The following SHOX variants were observed in gnomAD, a reference collection of about 807,000 sequenced individuals.
The protein encoded by SHOX is short stature homeobox protein.
Under a neutral mutation model 29.6 loss-of-function variants are expected in SHOX, and 12 were observed. The observed-to-expected ratio is 0.41, with a 90% CI of 0.26 to 0.66. The LOEUF (loss-of-function observed/expected upper bound fraction) is 0.66. SHOX is among the 30% of genes least tolerant of loss of function. The probability of loss-of-function intolerance (pLI) is 0.35; values close to 1 mark genes in which losing one functional copy is unlikely to be tolerated. For synonymous variants in SHOX, 214 were observed against 200.6 expected (o/e 1.07, Z -0.57); for missense variants, 499 against 437.7 (o/e 1.14, Z -1.25).
chrX:633,367 C>G (rs2052681853), intron 1 of SHOX, among the ~76,000 whole-genome samples: 1 of 151,884 alleles, frequency 6.6e-6, no homozygotes, highest in Middle Eastern at 3.4e-3. Flanking sequence ...CTCCAGGAAA[C>G]GATTCACTTG....
rs1191783563 is a variant in SHOX, at chrX:645,808, A to G, written c.*1172A>G. 1 of 152,260 alleles carries G rather than the reference A, an allele frequency of 6.6e-6. No individual in the cohort carries two copies. Among genetic ancestry groups the G allele is most frequent in the East Asian group, 1.9e-4 (1 of 5,186 alleles). 9.4% of individuals were successfully genotyped at this position (152,260 alleles called of 1,614,324 possible). A position where few individuals can be genotyped will look rare whatever the true frequency, so the allele number is the denominator to read the frequency against. On this transcript the variant is annotated 3_prime_UTR_variant, in exon 5 of 5. Transcript: ENST00000686671. ...AAGCGTAAAAGCCAGGGAGAGATCC[A>G]GAGAGTTTTCAAGTTTTTGCAGATG...
chrX:636,196 A>C (rs2052744058), intron 2 of SHOX, among the ~76,000 whole-genome samples: 1 of 147,174 alleles, frequency 6.8e-6, no homozygotes, highest in Admixed American at 6.9e-5. Flanking sequence ...TATAATCTAT[A>C]TACATATATA....
intron 2 of SHOX, 68 bp from the exon 3 acceptor site, chrX:640,753 G>A: frequency 6.4e-7 from 1 of 1,572,694 alleles, no homozygotes; most frequent in Admixed American, 1.7e-5. Flanking sequence ...CTCATGGGAA[G>A]GATGCTCCCT....
intron 2 of SHOX, among the ~76,000 whole-genome samples, chrX:638,761 A>G (rs1296799841): frequency 6.6e-6 from 1 of 152,180 alleles, no homozygotes; most frequent in Non-Finnish European, 1.5e-5. Flanking sequence ...GCCCTGGGCC[A>G]TGCACAGTGT....
rs1043808597 is a variant in SHOX at position 649,654 on chromosome X, C to G, written c.*5018C>G. ...CCCAGAGAGCAACGTGGGCTGTGTT[C>G]CGATGTAACGCCGTTGCAGAGAGAG... is the stretch of plus-strand genomic sequence containing the variant. On this transcript the variant is annotated 3_prime_UTR_variant, in exon 5 of 5. Coordinates refer to ENST00000686671, the MANE Select transcript of SHOX (RefSeq NM_000451.4). 2.0e-5 allele frequency among the ~76,000 whole-genome samples: 3 copies of G among 152,114 alleles called. No homozygotes were observed. Among genetic ancestry groups the G allele is most frequent in the African/African-American group, 7.2e-5 (3 of 41,426 alleles).
At chrX:640,923 C>G (rs374013002) in intron 3 of SHOX, 45 bp downstream of exon 3, 1 of 1,613,032 alleles carries the variant, frequency 6.2e-7, no homozygotes, top group Non-Finnish European at 8.5e-7. Context: ...GGATCCTGCT[C>G]CAGGAGGGAT....
chrX:625,598 C>T (rs1221383564), intron 1 of SHOX, among the ~76,000 whole-genome samples: 1 of 149,888 alleles, frequency 6.7e-6, no homozygotes, highest in Non-Finnish European at 1.5e-5. Flanking sequence ...CTTTCTCTCT[C>T]TCCTCTCTCT....
At chrX:629,292 CCT>C (rs2052603808), upstream of SHOX, among the ~76,000 whole-genome samples, 1 of 139,760 alleles carries the variant, frequency 7.2e-6, no homozygotes. Flanking sequence ...TCCGTCTCTC[CCT>C]GTCTGTCTCT....
intron 4 of SHOX, among the ~76,000 whole-genome samples, chrX:644,063 T>G (rs982641291): frequency 2.0e-5 from 3 of 151,990 alleles, no homozygotes; most frequent in Non-Finnish European, 4.4e-5. Context: ...GAGAGAACGT[T>G]GTGAGCCAAA....
In SHOX at chrX:650,131, T is replaced by C. The variant is rs1425725962; in HGVS notation, c.*5495T>C. ...GGCAGTGGTGACAGGGCCCCTTGGC[T>C]GTGGCTGTCTTCTCCAGCGCCGTGG... On this transcript the variant is annotated 3_prime_UTR_variant, in exon 5 of 5. Coordinates refer to ENST00000686671, the MANE Select transcript of SHOX (RefSeq NM_000451.4). 2.4e-6 allele frequency: 1 copy of C among 421,846 alleles called. No individual in the cohort carries two copies. Among genetic ancestry groups the C allele is most frequent in the Non-Finnish European group, 4.7e-6 (1 of 212,530 alleles). The allele number at this position is 421,846 out of a possible 1,614,324, so 26.1% of individuals were successfully genotyped here.
chrX:630,630 G>T (rs1310318706), upstream of SHOX: 2 of 590,856 alleles, frequency 3.4e-6, no homozygotes, highest in Non-Finnish European at 6.0e-6. Context: ...GTGATGAAAT[G>T]AGAAGAAAGC....
intron 1 of SHOX, among the ~76,000 whole-genome samples, chrX:633,502 T>A (rs182790083): frequency 2.3e-3 from 343 of 152,064 alleles, no homozygotes; most frequent in Non-Finnish European, 3.4e-3. Context: ...AGGGCCCTGG[T>A]GTGGATCGTG....
At chrX:627,719 C>T (rs28485701), upstream of SHOX, among the ~76,000 whole-genome samples, 1 of 151,902 alleles carries the variant, frequency 6.6e-6, no homozygotes, top group African/African-American at 2.4e-5. Flanking sequence ...GAGGCTCGGA[C>T]ACCCTGGTAG....
chrX:656,117 CT>C (rs2053142586), downstream of SHOX, among the ~76,000 whole-genome samples: 2 of 145,680 alleles, frequency 1.4e-5, no homozygotes, highest in Non-Finnish European at 3.0e-5. Flanking sequence ...CAAGACCAGC[CT>C]CGGCAACAAA....
upstream of SHOX, among the ~76,000 whole-genome samples, chrX:627,531 G>C (rs2124141889): frequency 6.6e-6 from 1 of 152,316 alleles, no homozygotes; most frequent in South Asian, 2.1e-4. Context: ...GAAAAGCGGG[G>C]TGTTGGAAAG....
chrX:645,445 G>A lies in SHOX; in HGVS notation c.*809G>A, dbSNP rs1027666270. Reference sequence around the variant, plus strand: ...TTTTGCTGTGTTACAGGATTCAGACGCAAAAGACTTGCATAAGAGACGGAC... The same window carrying A: ...TTTTGCTGTGTTACAGGATTCAGACACAAAAGACTTGCATAAGAGACGGAC... On this transcript the variant is annotated 3_prime_UTR_variant, in exon 5 of 5. Transcript: ENST00000686671. The A allele has an allele frequency of 3.4e-5, 4 of 116,648 alleles. No homozygotes were observed. Among genetic ancestry groups the A allele is most frequent in the African/African-American group, 9.9e-5 (3 of 30,336 alleles). The allele number at this position is 116,648 out of a possible 1,614,324, so 7.2% of individuals were successfully genotyped here.
At chrX:627,021 C>G (rs1203574215), upstream of SHOX, among the ~76,000 whole-genome samples, 1 of 150,680 alleles carries the variant, frequency 6.6e-6, no homozygotes, top group Non-Finnish European at 1.5e-5. Flanking sequence ...TTTTCTCTGT[C>G]TTTCTGTCTC....
intron 4 of SHOX, among the ~76,000 whole-genome samples, chrX:642,191 C>T (rs2052866102): frequency 6.6e-6 from 1 of 152,134 alleles, no homozygotes; most frequent in South Asian, 2.1e-4. Context: ...GAGCGCAGCG[C>T]CCACGTGCGC....
In SHOX at chrX:651,002, G is replaced by A. The variant is rs1171500716; in HGVS notation, c.*6366G>A. On this transcript the variant is annotated 3_prime_UTR_variant, in exon 5 of 5. Transcript: ENST00000686671. ...CTATGAAATGTGCTATTTATTGAAA[G>A]GGGATGTGGCTTCACGAGTTCAGCC... 6.6e-6 allele frequency among the ~76,000 whole-genome samples: 1 copy of A among 152,060 alleles called. No individual in the cohort carries two copies. The highest frequency in any genetic ancestry group is 6.6e-5 in the Admixed American group (1 of 15,250).
Sources: gnomAD v4.1 joint callset for allele counts (sites outside exome capture counted in the v4.1 genomes callset) on GRCh38, gnomAD v4.1.1 for gene constraint, MANE v1.5 for transcripts, NCBI Gene and HGNC (gene_info 2026-07-23, HGNC 2026-07-21) for gene names.